The following MEI4 variants were observed in gnomAD, a reference collection of about 807,000 sequenced individuals.
MEI4 encodes meiotic double-stranded break formation protein 4, also known as meiosis-specific protein MEI4.
Under a neutral mutation model 31.4 loss-of-function variants are expected in MEI4, and 27 were observed. The ratio of observed to expected loss-of-function variants is 0.86; its 90% CI spans 0.63 to 1.19. The LOEUF (loss-of-function observed/expected upper bound fraction) is 1.19. Among genes scored for constraint, MEI4 ranks in the 50% most tolerant of loss-of-function variants. The probability of loss-of-function intolerance (pLI) is 0.00; values close to 1 mark genes in which losing one functional copy is unlikely to be tolerated. For synonymous variants in MEI4, 122 were observed against 145.4 expected (o/e 0.84, Z 1.16); for missense variants, 329 against 398.9 (o/e 0.82, Z 1.49).
At chr6:77,907,358 A>G (rs1210202786) in intron 4 of MEI4, among the ~76,000 whole-genome samples, 1 of 151,964 alleles carries the variant, frequency 6.6e-6, no homozygotes, top group Non-Finnish European at 1.5e-5. Flanking sequence ...TCATTGTTCA[A>G]TTCCCACCTA....
intron 3 of MEI4, among the ~76,000 whole-genome samples, chr6:77,764,496 G>A (rs544923888): frequency 6.6e-6 from 1 of 151,812 alleles, no homozygotes; most frequent in Admixed American, 6.6e-5. Flanking sequence ...TTTTGGCTTA[G>A]TTTATTCTTC....
At chr6:77,738,582 AT>A (rs1767315475) in intron 2 of MEI4, among the ~76,000 whole-genome samples, 1 of 151,852 alleles carries the variant, frequency 6.6e-6, no homozygotes, top group African/African-American at 2.4e-5. Context: ...TAGTAGAATG[AT>A]TTATAATCAT....
At chr6:77,902,488 CTTGA>C (rs1766205481) in intron 4 of MEI4, among the ~76,000 whole-genome samples, 1 of 152,024 alleles carries the variant, frequency 6.6e-6, no homozygotes, top group African/African-American at 2.4e-5. Flanking sequence ...GAATTATTCT[CTTGA>C]TTGTGTGGCT....
chr6:77,731,398 CTG>C (rs1442738474), intron 2 of MEI4, among the ~76,000 whole-genome samples: 2 of 148,116 alleles, frequency 1.4e-5, no homozygotes, highest in East Asian at 4.0e-4. Context: ...GCATTTTTTC[CTG>C]TGTTTTTTGG....
At chr6:77,730,882 G>GT (rs1188742397) in intron 2 of MEI4, among the ~76,000 whole-genome samples, 1 of 150,146 alleles carries the variant, frequency 6.7e-6, no homozygotes. Flanking sequence ...GCAGTGTTTG[G>GT]TTTTTTGTTC....
intron 1 of MEI4, among the ~76,000 whole-genome samples, chr6:77,662,530 G>C (rs1000143489): frequency 6.6e-6 from 1 of 152,180 alleles, no homozygotes; most frequent in African/African-American, 2.4e-5. Flanking sequence ...TATGTGTCCG[G>C]TGTGAGGAAG....
At chr6:77,899,428 G>A (rs544305441) in intron 4 of MEI4, among the ~76,000 whole-genome samples, 1 of 152,066 alleles carries the variant, frequency 6.6e-6, no homozygotes, top group South Asian at 2.1e-4. Flanking sequence ...AGTAATCATG[G>A]GATTGTAGAA....
intron 1 of MEI4, among the ~76,000 whole-genome samples, chr6:77,670,619 C>A (rs1333010213): frequency 6.7e-6 from 1 of 148,682 alleles, no homozygotes; most frequent in Non-Finnish European, 1.5e-5. Flanking sequence ...GGCCTTTCAA[C>A]TTCCCTCTCC....
At chr6:77,882,197 C>T (rs1771504872) in intron 4 of MEI4, among the ~76,000 whole-genome samples, 1 of 152,120 alleles carries the variant, frequency 6.6e-6, no homozygotes, top group African/African-American at 2.4e-5. Context: ...CTGGAAGAGT[C>T]CTGAACCCAT....
chr6:77,813,579 A>G (rs1344521551), intron 3 of MEI4, among the ~76,000 whole-genome samples: 1 of 150,612 alleles, frequency 6.6e-6, no homozygotes, highest in East Asian at 2.0e-4. Context: ...CATATTGGGG[A>G]CTTGATCCTG....
intron 4 of MEI4, among the ~76,000 whole-genome samples, chr6:77,865,970 G>A (rs1488103484): frequency 6.6e-6 from 1 of 152,078 alleles, no homozygotes; most frequent in Non-Finnish European, 1.5e-5. Flanking sequence ...CAGAACCAAC[G>A]ACAAAAACCA....
chr6:77,763,583 AAT>A (rs1051878393), intron 3 of MEI4, among the ~76,000 whole-genome samples: 4 of 152,162 alleles, frequency 2.6e-5, no homozygotes, highest in Non-Finnish European at 4.4e-5. Context: ...TGACATAGGA[AAT>A]ATATATTTCA....
intron 3 of MEI4, among the ~76,000 whole-genome samples, chr6:77,771,614 G>A (rs540378968): frequency 4.6e-5 from 7 of 152,200 alleles, no homozygotes; most frequent in Admixed American, 4.6e-4. Flanking sequence ...GTCATAAAAA[G>A]AATGAGATAA....
intron 3 of MEI4, among the ~76,000 whole-genome samples, chr6:77,797,736 C>T (rs1428451913): frequency 6.6e-6 from 1 of 152,178 alleles, no homozygotes; most frequent in Non-Finnish European, 1.5e-5. Context: ...CTTATCCCAT[C>T]TTCTTACACC....
intron 4 of MEI4, among the ~76,000 whole-genome samples, chr6:77,895,386 G>T (rs140719502): frequency 2.2e-3 from 338 of 152,116 alleles, no homozygotes; most frequent in African/African-American, 7.4e-3. Context: ...TTGTCTCAAT[G>T]CATCATCACT....
intron 4 of MEI4, among the ~76,000 whole-genome samples, chr6:77,886,540 C>T (rs1771623842): frequency 6.6e-6 from 1 of 151,964 alleles, no homozygotes; most frequent in Admixed American, 6.6e-5. Context: ...AAGCAATTCT[C>T]CTGCCTCAGC....
At chr6:77,839,474 A>G (rs1049648723) in intron 4 of MEI4, among the ~76,000 whole-genome samples, 6 of 152,122 alleles carry the variant, frequency 3.9e-5, no homozygotes, top group Admixed American at 6.6e-5. Flanking sequence ...TAGGAAGGAT[A>G]TAATTTCCAG....
intron 3 of MEI4, among the ~76,000 whole-genome samples, chr6:77,785,648 G>A (rs1016401121): frequency 6.6e-6 from 1 of 152,162 alleles, no homozygotes; most frequent in African/African-American, 2.4e-5. Flanking sequence ...ATTTTTATGA[G>A]AAGGGTTATT....
At chr6:77,916,890 G>C (rs565013726) in intron 4 of MEI4, among the ~76,000 whole-genome samples, 1 of 151,218 alleles carries the variant, frequency 6.6e-6, no homozygotes, top group African/African-American at 2.4e-5. Context: ...TCTAGCATTA[G>C]GTATATCTCC....
Sources: allele counts gnomAD v4.1 joint callset (sites outside exome capture counted in the v4.1 genomes callset), GRCh38; gene constraint gnomAD v4.1.1; transcripts MANE v1.5; gene names NCBI Gene and HGNC (gene_info 2026-07-23, HGNC 2026-07-21).